Variants in STAC observed in about 807,000 individuals in gnomAD.
The protein encoded by STAC is SH3 and cysteine rich domain.
In STAC, 43 loss-of-function variants were observed where a neutral mutation model predicts 48.8. The observed-to-expected ratio is 0.88, with a 90% CI of 0.69 to 1.14. STAC has a LOEUF of 1.14. Ranked by LOEUF, STAC falls within the 50% of genes most tolerant of loss-of-function variation. The pLI is 0.00. For synonymous variants in STAC, 193 were observed against 179.5 expected (o/e 1.07, Z -0.60); for missense variants, 497 against 504.0 (o/e 0.99, Z 0.13).
chr3:36,396,588 T>C (rs1699862550), intron 1 of STAC, among the ~76,000 whole-genome samples: 1 of 152,190 alleles, frequency 6.6e-6, no homozygotes, highest in Non-Finnish European at 1.5e-5. Context: ...GCCATACTAA[T>C]AATGGGGGGC....
intron 1 of STAC, among the ~76,000 whole-genome samples, chr3:36,401,051 C>T (rs1289318363): frequency 1.3e-5 from 2 of 152,174 alleles, no homozygotes; most frequent in African/African-American, 4.8e-5. Context: ...CTTCATATGG[C>T]TGAGATTAGC....
At chr3:36,489,791 C>T (rs372809203) in intron 5 of STAC, among the ~76,000 whole-genome samples, 80 of 152,226 alleles carry the variant, frequency 5.3e-4, no homozygotes, top group African/African-American at 1.6e-3. Flanking sequence ...GGTGAGTGCA[C>T]GAATCAATGA....
intron 1 of STAC, among the ~76,000 whole-genome samples, chr3:36,383,316 T>C (rs1298836271): frequency 6.7e-6 from 1 of 148,618 alleles, no homozygotes; most frequent in Non-Finnish European, 1.5e-5. Context: ...CCAAGAAAGG[T>C]TAGATCATTT....
At chr3:36,390,446 CTTTT>C (rs1699726140) in intron 1 of STAC, among the ~76,000 whole-genome samples, 1 of 68,476 alleles carries the variant, frequency 1.5e-5, no homozygotes, top group Non-Finnish European at 3.3e-5. Context: ...TGTGATTTTT[CTTTT>C]CTTTTTTTTT....
intron 1 of STAC, among the ~76,000 whole-genome samples, chr3:36,423,215 C>T (rs1294996721): frequency 6.6e-6 from 1 of 151,990 alleles, no homozygotes; most frequent in Admixed American, 6.6e-5. Context: ...AGAAGTGATA[C>T]ACAGCATTTC....
At chr3:36,461,998 G>C (rs1467172143) in intron 2 of STAC, among the ~76,000 whole-genome samples, 1 of 152,110 alleles carries the variant, frequency 6.6e-6, no homozygotes, top group Non-Finnish European at 1.5e-5. Flanking sequence ...ATGGCGTGGG[G>C]GCGAGGATTG....
At chr3:36,411,873 T>G (rs1452418233) in intron 1 of STAC, among the ~76,000 whole-genome samples, 1 of 152,172 alleles carries the variant, frequency 6.6e-6, no homozygotes, top group Non-Finnish European at 1.5e-5. Context: ...TTTCTGAGTC[T>G]CAGTCTCCTG....
intron 10 of STAC, among the ~76,000 whole-genome samples, chr3:36,534,439 T>A (rs148335138): frequency 6.6e-6 from 1 of 152,236 alleles, no homozygotes; most frequent in Admixed American, 6.5e-5. Flanking sequence ...CAATATGATA[T>A]TTATAACCCT....
At chr3:36,425,172 G>T (rs1700535116) in intron 1 of STAC, among the ~76,000 whole-genome samples, 1 of 152,022 alleles carries the variant, frequency 6.6e-6, no homozygotes, top group African/African-American at 2.4e-5. Context: ...CTTTACAGTG[G>T]AGCAACCCAG....
intron 1 of STAC, among the ~76,000 whole-genome samples, chr3:36,407,274 CA>C (rs375550705): frequency 5.3e-5 from 8 of 149,968 alleles, no homozygotes; most frequent in South Asian, 4.2e-4. Flanking sequence ...ACAAACAAAC[CA>C]AAAAAAAATA....
intron 6 of STAC, among the ~76,000 whole-genome samples, chr3:36,497,025 T>TAA (rs200733016): frequency 3.4e-5 from 5 of 145,098 alleles, no homozygotes; most frequent in Non-Finnish European, 6.1e-5. Context: ...AATTTTATTC[T>TAA]AAAAAAAAAA....
intron 1 of STAC, among the ~76,000 whole-genome samples, chr3:36,412,911 G>A (rs1348290503): frequency 1.3e-5 from 2 of 152,088 alleles, no homozygotes; most frequent in East Asian, 3.8e-4. Flanking sequence ...TTGGGGTGGT[G>A]AGGCATACAT....
intron 2 of STAC, among the ~76,000 whole-genome samples, chr3:36,449,313 A>G (rs966040993): frequency 6.6e-6 from 1 of 152,332 alleles, no homozygotes; most frequent in East Asian, 1.9e-4. Flanking sequence ...AATGGATTGT[A>G]ACTAAGGAGT....
intron 1 of STAC, among the ~76,000 whole-genome samples, chr3:36,429,902 A>G (rs1289780387): frequency 2.6e-5 from 4 of 152,260 alleles, no homozygotes; most frequent in African/African-American, 7.2e-5. Flanking sequence ...ACTGGAGGTC[A>G]TAACACAGGT....
At chr3:36,526,109 T>C (rs1698927793) in intron 8 of STAC, among the ~76,000 whole-genome samples, 1 of 152,186 alleles carries the variant, frequency 6.6e-6, no homozygotes, top group Non-Finnish European at 1.5e-5. Context: ...ACAATGAAGA[T>C]GACCAGAGAC....
chr3:36,401,514 CT>C (rs1281890634), intron 1 of STAC, among the ~76,000 whole-genome samples: 1 of 152,192 alleles, frequency 6.6e-6, no homozygotes, highest in Non-Finnish European at 1.5e-5. Context: ...GAAGCCCGCA[CT>C]GGCTGCTTTA....
intron 8 of STAC, among the ~76,000 whole-genome samples, chr3:36,520,284 A>G (rs1698769869): frequency 6.6e-6 from 1 of 152,198 alleles, no homozygotes; most frequent in Non-Finnish European, 1.5e-5. Flanking sequence ...CTAGACCTAG[A>G]GAGTCAAATC....
chr3:36,487,706 G>A (rs535928221), intron 5 of STAC, among the ~76,000 whole-genome samples: 27 of 152,288 alleles, frequency 1.8e-4, no homozygotes, highest in East Asian at 5.8e-4. Context: ...GATTGAGAAC[G>A]TAACATACAC....
intron 10 of STAC, among the ~76,000 whole-genome samples, chr3:36,537,646 C>T (rs1699230734): frequency 6.6e-6 from 1 of 152,066 alleles, no homozygotes; most frequent in African/African-American, 2.4e-5. Flanking sequence ...AGCAAACCAC[C>T]ATGGCACACA....
Sources: gnomAD v4.1 joint callset for allele counts (sites outside exome capture counted in the v4.1 genomes callset) on GRCh38, gnomAD v4.1.1 for gene constraint, MANE v1.5 for transcripts, NCBI Gene and HGNC (gene_info 2026-07-23, HGNC 2026-07-21) for gene names.